STARD8: variants seen among roughly 807,000 people sequenced by gnomAD.
STARD8 encodes the protein stAR-related lipid transfer protein 8.
A neutral mutation model predicts 69.4 loss-of-function variants in STARD8; 25 were observed. The ratio of observed to expected loss-of-function variants is 0.36; its 90% CI spans 0.26 to 0.50. The LOEUF (loss-of-function observed/expected upper bound fraction) is 0.50, where lower values mean the gene tolerates loss of function less well. STARD8 is among the 20% of genes least tolerant of loss of function. The pLI, the probability that STARD8 is intolerant of heterozygous loss-of-function variation, is 0.96. For missense variants in STARD8, 921 were observed against 932.5 expected (o/e 0.99, Z 0.16); for synonymous variants, 389 against 374.6 (o/e 1.04, Z -0.45).
At chrX:68,655,341 C>T (rs1213463491) in intron 1 of STARD8, among the ~76,000 whole-genome samples, 1 of 111,845 alleles carries the variant, frequency 8.9e-6, no homozygotes, top group Non-Finnish European at 1.9e-5. Flanking sequence ...TAAATTATGA[C>T]ATAAGACTCT....
chrX:68,657,185 G>A (rs1253863200), intron 1 of STARD8, among the ~76,000 whole-genome samples: 3 of 111,416 alleles, frequency 2.7e-5, no homozygotes, highest in Non-Finnish European at 3.8e-5. Flanking sequence ...TGTACACTGG[G>A]GAGAATGATA....
intron 2 of STARD8, among the ~76,000 whole-genome samples, chrX:68,667,350 T>G (rs971163605): frequency 2.7e-5 from 3 of 111,772 alleles, no homozygotes; most frequent in African/African-American, 9.8e-5. Context: ...GGCATCTACA[T>G]CTACAAAATG....
chrX:68,647,756 C>A lies in STARD8; in HGVS notation c.-127C>A. The stretch of plus-strand genomic sequence containing the variant: ...TCCGCCTCTCCCCTCGCGGGGCCGG[C>A]TCATGGAGCGCAGGGACCGGGCTGG... On this transcript the variant is annotated 5_prime_UTR_variant, in exon 1 of 15. Coordinates refer to ENST00000374599, the MANE Select transcript of STARD8 (RefSeq NM_001142503.3). 1 of 885,286 alleles carries A rather than the reference C, an allele frequency of 1.1e-6. No individual in the cohort carries two copies. The allele number at this position is 885,286 out of a possible 1,213,427, so 73.0% of individuals were successfully genotyped here.
At chrX:68,707,575 T>C (rs1157784316) in intron 2 of STARD8, among the ~76,000 whole-genome samples, 2 of 111,652 alleles carry the variant, frequency 1.8e-5, no homozygotes, top group African/African-American at 6.5e-5. Context: ...TAACTAGTCA[T>C]GGGTGGGGCC....
chrX:68,663,141 C>T (rs1003427448), intron 1 of STARD8, among the ~76,000 whole-genome samples: 1 of 111,834 alleles, frequency 8.9e-6, no homozygotes, highest in Non-Finnish European at 1.9e-5. Context: ...AACAAGGAAA[C>T]AAAAAGGGCC....
At position 68,720,403 on chromosome X, in the gene STARD8, C is replaced by T. The variant is rs752356273; in HGVS notation, c.2029C>T (p.Arg677Cys). The change falls in exon 8 of 15, where the codon CGC (arginine) becomes TGC (cysteine). Residue 677 changes from arginine (R) to cysteine (C), a missense_variant. Arg to Cys is a radical substitution (Grantham distance 180, BLOSUM62 -3). Transcript: ENST00000374599. ...QSIQQAMRYL[R>C]SQCLDQVGIF... ...CATTCAGCAAGCCATGCGCTACTTG[C>T]GCAGCCAGTGCCTGGACCAAGTGAG... 7 of 1,185,864 alleles carry T rather than the reference C, an allele frequency of 5.9e-6. No homozygotes were observed. The highest frequency in any genetic ancestry group is 3.8e-5 in the South Asian group (2 of 52,734).
At chrX:68,669,193 C>T (rs1018526018) in intron 2 of STARD8, among the ~76,000 whole-genome samples, 6 of 111,237 alleles carry the variant, frequency 5.4e-5, no homozygotes, top group African/African-American at 9.8e-5. Context: ...AAAAGGAACC[C>T]GCTTCCTCCA....
At chrX:68,715,247 T>C in intron 3 of STARD8, 47 bp from the exon 4 acceptor site, 1 of 1,111,300 alleles carries the variant, frequency 9.0e-7, no homozygotes, top group Non-Finnish European at 1.2e-6. Context: ...TGAGGCTGAG[T>C]TTGTGATATA....
intron 1 of STARD8, among the ~76,000 whole-genome samples, chrX:68,653,080 C>CCT (rs1556018254): frequency 2.1e-3 from 3 of 1,457 alleles, no homozygotes; most frequent in Admixed American, 0.011. Flanking sequence ...CACACACACA[C>CCT]CACACCACAC....
chrX:68,669,059 G>A (rs935854655), intron 2 of STARD8, among the ~76,000 whole-genome samples: 1 of 111,461 alleles, frequency 9.0e-6, no homozygotes, highest in Non-Finnish European at 1.9e-5. Flanking sequence ...TCAGGCCTTA[G>A]GGACTCACTC....
rs764091274 is a variant in STARD8 at position 68,677,521 on chromosome X, G to A, written c.79+11989G>A. On this transcript the variant is annotated intron_variant, in intron 2 of 14. Coordinates refer to ENST00000374599, the MANE Select transcript of STARD8 (RefSeq NM_001142503.3). ...AGAATGGGAAGGTGGTGATGCCGGG[G>A]GTATGGAACTGAATCCCCAGAGTCG... Among the ~76,000 whole-genome samples the A allele has an allele frequency of 2.2e-4, 24 of 111,520 alleles. No individual in the cohort carries two copies. In the East Asian group the frequency reaches 6.6e-3, roughly 30 times the overall value.
At chrX:68,721,188 G>C in intron 9 of STARD8, 66 bp downstream of exon 9, 1 of 1,141,060 alleles carries the variant, frequency 8.8e-7, no homozygotes, top group South Asian at 1.9e-5. Context: ...CCCAGAACTT[G>C]TGGAAGATAA....
intron 1 of STARD8, among the ~76,000 whole-genome samples, chrX:68,662,093 C>T (rs1024708538): frequency 2.8e-5 from 3 of 108,406 alleles, no homozygotes; most frequent in South Asian, 4.1e-4. Context: ...CTGCAACCTC[C>T]GCCTCCCAGG....
At chrX:68,654,017 C>T (rs923012401) in intron 1 of STARD8, among the ~76,000 whole-genome samples, 1 of 111,514 alleles carries the variant, frequency 9.0e-6, no homozygotes. Context: ...CTCTGGATGA[C>T]CTTGAGAGGG....
At chrX:68,691,226 G>A (rs1012403176) in intron 2 of STARD8, among the ~76,000 whole-genome samples, 3 of 111,878 alleles carry the variant, frequency 2.7e-5, no homozygotes, top group Non-Finnish European at 5.6e-5. Context: ...TGACTGAGCT[G>A]GCATCCAAGG....
intron 10 of STARD8, 148 bp downstream of exon 10, chrX:68,721,894 G>A: frequency 1.3e-6 from 1 of 785,816 alleles, no homozygotes; most frequent in Admixed American, 3.3e-5. Flanking sequence ...GGGCTGGTGG[G>A]ATGCTGTGGA....
Position 68,724,746 on chromosome X carries a change from A to G in STARD8, c.*324A>G. 5.0e-6 allele frequency: 1 copy of G among 201,128 alleles called. No homozygotes were observed. Among genetic ancestry groups the G allele is most frequent in the Non-Finnish European group, 9.0e-6 (1 of 110,681 alleles). 16.6% of individuals were successfully genotyped at this position (201,128 alleles called of 1,213,427 possible). A position where few individuals can be genotyped will look rare whatever the true frequency, so the allele number is the denominator to read the frequency against. On this transcript the variant is annotated 3_prime_UTR_variant, in exon 15 of 15. Coordinates refer to ENST00000374599, the MANE Select transcript of STARD8 (RefSeq NM_001142503.3). ...CCGCCACTTGGCATGAAGCCTCCAC[A>G]GCTCCCCGCCTGCAGGGGCAAAGAG...
chrX:68,691,024 C>T lies in STARD8; in HGVS notation c.80-21890C>T, dbSNP rs141269874. ...CCATTTGTACCCAGGCCATCTTGCTCCAGTGTTCATTATACTCCCTCTTGT... is the reference window on the plus strand; with the variant it reads ...CCATTTGTACCCAGGCCATCTTGCTTCAGTGTTCATTATACTCCCTCTTGT... On this transcript the variant is annotated intron_variant, in intron 2 of 14. Coordinates refer to ENST00000374599, the MANE Select transcript of STARD8 (RefSeq NM_001142503.3). Among the ~76,000 whole-genome samples the T allele has an allele frequency of 7.6e-3, 845 of 111,682 alleles. 11 individuals carry two copies. The highest frequency in any genetic ancestry group is 0.026 in the African/African-American group (809 of 30,686).
chrX:68,686,875 G>T (rs2079836794), intron 2 of STARD8, among the ~76,000 whole-genome samples: 1 of 110,810 alleles, frequency 9.0e-6, no homozygotes, highest in African/African-American at 3.3e-5. Flanking sequence ...TACATCCTCC[G>T]CTCAAAAAGA....
Sources: gnomAD v4.1 joint callset for allele counts (sites outside exome capture counted in the v4.1 genomes callset) on GRCh38, gnomAD v4.1.1 for gene constraint, MANE v1.5 for transcripts, NCBI Gene and HGNC (gene_info 2026-07-23, HGNC 2026-07-21) for gene names.